The following GARRE1 variants were observed in gnomAD, a reference collection of about 807,000 sequenced individuals.
GARRE1 encodes the protein granule associated Rac and RHOG effector 1.
Under a neutral mutation model 103.2 loss-of-function variants are expected in GARRE1, and 49 were observed. The observed-to-expected ratio is 0.47, with a 90% CI of 0.38 to 0.60. The LOEUF (loss-of-function observed/expected upper bound fraction) is 0.60, where lower values mean the gene tolerates loss of function less well. GARRE1 is among the 20% of genes least tolerant of loss of function. The probability of loss-of-function intolerance (pLI) is 0.00; values close to 1 mark genes in which losing one functional copy is unlikely to be tolerated. For missense variants in GARRE1, 1,199 were observed against 1,370.5 expected (o/e 0.87, Z 1.98); for synonymous variants, 505 against 532.8 (o/e 0.95, Z 0.72).
intron 3 of GARRE1, among the ~76,000 whole-genome samples, chr19:34,321,318 T>C (rs1327858741): frequency 6.8e-6 from 1 of 147,888 alleles, no homozygotes; most frequent in Non-Finnish European, 1.5e-5. Flanking sequence ...CCTCGTGATC[T>C]GCCTGCCTTG....
intron 2 of GARRE1, among the ~76,000 whole-genome samples, chr19:34,302,417 C>T (rs1209924625): frequency 8.0e-5 from 12 of 150,892 alleles, no homozygotes; most frequent in East Asian, 5.9e-4. Flanking sequence ...CTCAGCCTCC[C>T]GAGTAGCTGG....
Position 34,341,921 on chromosome 19 carries a change from C to T in GARRE1, c.1987C>T (p.Gln663Ter), listed in dbSNP as rs2074187492. 1 of 1,614,150 alleles carries T rather than the reference C, an allele frequency of 6.2e-7. No homozygotes were observed. The highest frequency in any genetic ancestry group is 8.5e-7 in the Non-Finnish European group (1 of 1,180,020). ...GGGCTTTAACATGGGCCAGTCACATCAGGGCTCTCCGTTGGTGACAAGGCA... is the reference window on the plus strand; with the variant it reads ...GGGCTTTAACATGGGCCAGTCACATTAGGGCTCTCCGTTGGTGACAAGGCA... The part of the protein sequence containing the change: ...LSGFNMGQSH[Q>*]GSPLVTRHNS... The change falls in exon 10 of 14, where the codon CAG becomes TAG. Residue 663 changes from glutamine (Q) to a stop codon, truncating the protein, a stop_gained. Transcript: ENST00000299505. LOFTEE classifies it high-confidence loss of function.
At position 34,327,803 on chromosome 19, in the gene GARRE1, C is replaced by G; in HGVS notation, c.879C>G (p.His293Gln). ...AGATAGCTCTGGAAAGCTTAGGACA[C>G]TGTGAATATGCAATGAAAGCCGGCT... ...AYKIALESLG[H>Q]CEYAMKAGFH... The change falls in exon 5 of 14, where the codon CAC becomes CAG. Residue 293 changes from histidine to glutamine, a missense_variant. Transcript: ENST00000299505. The G allele has an allele frequency of 6.2e-7, 1 of 1,614,152 alleles. No homozygotes were observed. The highest frequency in any genetic ancestry group is 8.5e-7 in the Non-Finnish European group (1 of 1,179,996).
rs375494919 is a variant in GARRE1 at position 34,327,566 on chromosome 19, GT to G, written c.846+10del. 609 of 1,613,320 alleles carry G rather than the reference GT, an allele frequency of 3.8e-4. 2 individuals carry two copies. The African/African-American group carries it at 7.4e-3, about 20-fold the overall frequency. On this transcript the variant is annotated splice_donor_region_variant and intron_variant, in intron 4 of 13. Coordinates refer to ENST00000299505, the MANE Select transcript of GARRE1 (RefSeq NM_014686.5). ...AAAATCGACAGTGCTTTGCAAGTAA[GT>G]TTTTCAGAACTGACATACTGATTTC... is the stretch of plus-strand genomic sequence containing the variant.
chr19:34,321,100 A>C (rs1599771947), intron 3 of GARRE1, among the ~76,000 whole-genome samples: 1 of 117,302 alleles, frequency 8.5e-6, no homozygotes. Context: ...TCTGTCCCCC[A>C]AGCTGGAGTG....
chr19:34,308,060 T>A (rs891813435), intron 2 of GARRE1, among the ~76,000 whole-genome samples: 1 of 151,492 alleles, frequency 6.6e-6, no homozygotes, highest in Non-Finnish European at 1.5e-5. Flanking sequence ...TTGAAATAAT[T>A]TATCTGTGAG....
intron 9 of GARRE1, among the ~76,000 whole-genome samples, chr19:34,341,205 G>A (rs77625698): frequency 0.014 from 2,202 of 152,086 alleles, 57 homozygotes; most frequent in African/African-American, 0.05. Context: ...CACTCCTCAG[G>A]CCAGAATCCT....
At chr19:34,276,924 A>G (rs955045514) in intron 1 of GARRE1, among the ~76,000 whole-genome samples, 2 of 152,190 alleles carry the variant, frequency 1.3e-5, no homozygotes, top group Non-Finnish European at 2.9e-5. Context: ...TAAAATGGTA[A>G]GATGATTGCA....
intron 1 of GARRE1, among the ~76,000 whole-genome samples, chr19:34,265,257 T>C (rs1461369149): frequency 1.3e-5 from 2 of 152,102 alleles, no homozygotes; most frequent in African/African-American, 4.8e-5. Flanking sequence ...GGAACAGAGT[T>C]TGGGGAAAGC....
Position 34,300,339 on chromosome 19 carries a change from C to T in GARRE1, c.-135C>T, listed in dbSNP as rs2073970377. Reference sequence around the variant, plus strand: ...ACCTCTACATTGGATCACATGGTCACCTGCCTCATGGAAATGCCTTTTTTA... The same window carrying T: ...ACCTCTACATTGGATCACATGGTCATCTGCCTCATGGAAATGCCTTTTTTA... On this transcript the variant is annotated 5_prime_UTR_variant, in exon 2 of 14. Coordinates refer to ENST00000299505, the MANE Select transcript of GARRE1 (RefSeq NM_014686.5). The T allele has an allele frequency of 2.1e-6, 2 of 946,730 alleles. No homozygotes were observed. Among genetic ancestry groups the T allele is most frequent in the East Asian group, 2.5e-5 (1 of 40,706 alleles). The allele number at this position is 946,730 out of a possible 1,614,324, so 58.6% of individuals were successfully genotyped here. A position where few individuals can be genotyped will look rare whatever the true frequency, so the allele number is the denominator to read the frequency against.
chr19:34,266,393 G>A (rs913583484), intron 1 of GARRE1, among the ~76,000 whole-genome samples: 37 of 152,264 alleles, frequency 2.4e-4, no homozygotes, highest in African/African-American at 8.9e-4. Context: ...CAGGAGTCTC[G>A]CTTTGTCACC....
intron 6 of GARRE1, 59 bp from the exon 7 acceptor site, chr19:34,330,129 AT>A: frequency 2.0e-6 from 3 of 1,476,738 alleles, no homozygotes; most frequent in Non-Finnish European, 2.8e-6. Context: ...ATTTTTACAA[AT>A]TTTAGAACCT....
chr19:34,308,414 T>A (rs1325186774), intron 2 of GARRE1, among the ~76,000 whole-genome samples: 1 of 152,216 alleles, frequency 6.6e-6, no homozygotes. Flanking sequence ...AAAGCTTGTA[T>A]GAATCCAGTT....
At chr19:34,321,881 C>CT (rs766690743) in intron 3 of GARRE1, among the ~76,000 whole-genome samples, 1 of 152,102 alleles carries the variant, frequency 6.6e-6, no homozygotes, top group East Asian at 1.9e-4. Context: ...GGTTGGCTCC[C>CT]TAGTGGATAG....
chr19:34,261,281 T>G (rs1313885965), intron 1 of GARRE1, among the ~76,000 whole-genome samples: 1 of 152,164 alleles, frequency 6.6e-6, no homozygotes, highest in African/African-American at 2.4e-5. Flanking sequence ...TAGTAGCACC[T>G]TTCTCTTAGT....
chr19:34,269,527 C>A (rs940275588), intron 1 of GARRE1, among the ~76,000 whole-genome samples: 4 of 151,988 alleles, frequency 2.6e-5, no homozygotes, highest in Non-Finnish European at 5.9e-5. Context: ...TATAGTAGCT[C>A]TTTTGTTTTG....
At position 34,347,891 on chromosome 19, in the gene GARRE1, G is replaced by A; in HGVS notation, c.2536G>A (p.Glu846Lys). ...TCCCAATGCAGTGGGCTCAGACCCAGAGTTTGCACGCTATGTGGCAGGAGT... is the reference window on the plus strand; with the variant it reads ...TCCCAATGCAGTGGGCTCAGACCCAAAGTTTGCACGCTATGTGGCAGGAGT... ...PFDPAVGSDP[E>K]FARYVAGVSQ... Residue 846 changes from glutamate to lysine, a missense_variant, in exon 11 of 14, where the codon GAG (glutamate) becomes AAG (lysine). Glu to Lys is a moderately conservative substitution (Grantham distance 56, BLOSUM62 1). Coordinates refer to ENST00000299505, the MANE Select transcript of GARRE1 (RefSeq NM_014686.5). 1 of 1,566,214 alleles carries A rather than the reference G, an allele frequency of 6.4e-7. No individual in the cohort carries two copies. The highest frequency in any genetic ancestry group is 2.4e-5 in the East Asian group (1 of 41,410).
Position 34,257,893 on chromosome 19 carries a change from C to CTT in GARRE1, c.-796+3292_-796+3293dup, listed in dbSNP as rs113179571. On this transcript the variant is annotated intron_variant, in intron 1 of 13. Coordinates refer to ENST00000299505, the MANE Select transcript of GARRE1 (RefSeq NM_014686.5). ...CTTCTTTTTTCTTTTTCTTTTTTTT[C>CTT]TTTTTTTTTTTTTTGAGACAGAGTC... 8.5e-3 allele frequency among the ~76,000 whole-genome samples: 1,031 copies of CTT among 121,188 alleles called. 10 individuals are homozygous for CTT. The highest frequency in any genetic ancestry group is 0.035 in the African/African-American group (964 of 27,888). 79.5% of individuals were successfully genotyped at this position (121,188 alleles called of 152,430 possible).
intron 1 of GARRE1, among the ~76,000 whole-genome samples, chr19:34,258,889 A>T (rs1441411090): frequency 1.3e-5 from 2 of 151,934 alleles, no homozygotes; most frequent in Non-Finnish European, 2.9e-5. Context: ...ACATAGTGAG[A>T]CCTCTGTCTC....
Sources: gnomAD v4.1 joint callset for allele counts (sites outside exome capture counted in the v4.1 genomes callset) on GRCh38, gnomAD v4.1.1 for gene constraint, MANE v1.5 for transcripts, NCBI Gene and HGNC (gene_info 2026-07-23, HGNC 2026-07-21) for gene names.